The following ERBB4 variants were observed in gnomAD, a reference collection of about 807,000 sequenced individuals.
ERBB4 encodes erb-b2 receptor tyrosine kinase 4, also known as receptor tyrosine-protein kinase erbB-4.
ERBB4 carries 42 observed loss-of-function variants against 158.0 expected under a neutral mutation model. The observed-to-expected ratio is 0.27, with a 90% CI of 0.21 to 0.34. The LOEUF is 0.34. Ranked by LOEUF, ERBB4 falls within the 10% of genes least tolerant of loss-of-function variation. The probability of loss-of-function intolerance (pLI) is 1.00; values close to 1 mark genes in which losing one functional copy is unlikely to be tolerated. For missense variants in ERBB4, 1,333 were observed against 1,624.1 expected (o/e 0.82, Z 3.08); for synonymous variants, 583 against 558.7 (o/e 1.04, Z -0.61).
chr2:212,322,314 T>G (rs1225576004), intron 1 of ERBB4, among the ~76,000 whole-genome samples: 1 of 150,158 alleles, frequency 6.7e-6, no homozygotes, highest in African/African-American at 2.4e-5. Flanking sequence ...TAAGAGCTCT[T>G]AAACAATGCT....
At chr2:211,717,220 A>G (rs1024157133) in intron 7 of ERBB4, among the ~76,000 whole-genome samples, 1 of 152,194 alleles carries the variant, frequency 6.6e-6, no homozygotes, top group African/African-American at 2.4e-5. Flanking sequence ...AAGAAAAGGG[A>G]AAATATCATT....
chr2:212,424,325 G>A (rs2091859283), intron 1 of ERBB4, among the ~76,000 whole-genome samples: 1 of 152,004 alleles, frequency 6.6e-6, no homozygotes. Flanking sequence ...TACAATGGTA[G>A]GACTTTCCCT....
chr2:212,482,191 T>A (rs1214310076), intron 1 of ERBB4, among the ~76,000 whole-genome samples: 1 of 152,214 alleles, frequency 6.6e-6, no homozygotes, highest in East Asian at 1.9e-4. Context: ...AATGATCGAA[T>A]GCTGGCTGAG....
intron 20 of ERBB4, among the ~76,000 whole-genome samples, chr2:211,472,110 T>C (rs551824398): frequency 6.6e-6 from 1 of 152,166 alleles, no homozygotes; most frequent in South Asian, 2.1e-4. Flanking sequence ...GGTTATCCAA[T>C]TGGAAAAATT....
intron 25 of ERBB4, among the ~76,000 whole-genome samples, chr2:211,398,781 A>C: frequency 6.6e-6 from 1 of 152,310 alleles, no homozygotes; most frequent in East Asian, 1.9e-4. Context: ...CAGTAAGCCG[A>C]GATTGCGCCA....
At position 211,383,707 on chromosome 2, in the gene ERBB4, C is replaced by T. The variant is rs2125308726; in HGVS notation, c.3835G>A (p.Ala1279Thr). 6.2e-7 allele frequency: 1 copy of T among 1,613,994 alleles called. No individual in the cohort carries two copies. Among genetic ancestry groups the T allele is most frequent in the Non-Finnish European group, 8.5e-7 (1 of 1,179,960 alleles). Residue 1279 changes from alanine to threonine, a missense_variant, in exon 28 of 28, where the codon GCA becomes ACA. This residue lies in a region of ERBB4 where 84 missense variants were observed against 110.8 expected (regional missense o/e 0.76). Coordinates refer to ENST00000342788, the MANE Select transcript of ERBB4 (RefSeq NM_005235.3). ...TCAGAGAGGTATTCAGGATTCTCTG[C>T]CACAATAGGCCGGATCCGCCCATTC... Reference protein sequence around the residue: ...KQNGRIRPIVAENPEYLSEFS... With the variant: ...KQNGRIRPIVTENPEYLSEFS...
intron 1 of ERBB4, among the ~76,000 whole-genome samples, chr2:212,169,229 T>C (rs890024856): frequency 3.9e-5 from 6 of 152,146 alleles, no homozygotes; most frequent in Non-Finnish European, 5.9e-5. Context: ...AATATTTATT[T>C]TAATAAAGAT....
chr2:212,026,303 G>C lies in ERBB4; in HGVS notation c.235-78687C>G, dbSNP rs543741297. Among the ~76,000 whole-genome samples the C allele has an allele frequency of 2.0e-5, 3 of 151,594 alleles. No homozygotes were observed. The East Asian group carries it at 5.8e-4, about 29-fold the overall frequency. On this transcript the variant is annotated intron_variant, in intron 2 of 27. Coordinates refer to ENST00000342788, the MANE Select transcript of ERBB4 (RefSeq NM_005235.3). Reference sequence around the variant, plus strand: ...TATAGGTTTTTCAGTCACCTATAAGGTTCCTAATAGTGAAGTTTAAATTGA... The same window carrying C: ...TATAGGTTTTTCAGTCACCTATAAGCTTCCTAATAGTGAAGTTTAAATTGA...
intron 2 of ERBB4, among the ~76,000 whole-genome samples, chr2:212,045,560 A>G (rs2077240835): frequency 6.6e-6 from 1 of 152,192 alleles, no homozygotes; most frequent in African/African-American, 2.4e-5. Flanking sequence ...ATTCCCCCAT[A>G]AAAGCATCGT....
intron 20 of ERBB4, among the ~76,000 whole-genome samples, chr2:211,476,176 G>C (rs919746399): frequency 1.3e-5 from 2 of 152,002 alleles, no homozygotes; most frequent in African/African-American, 2.4e-5. Flanking sequence ...TTAAGACAGA[G>C]GGGAAAACAT....
At chr2:212,298,937 A>C (rs10932430) in intron 1 of ERBB4, among the ~76,000 whole-genome samples, 112,347 of 151,570 alleles carry the variant, frequency 0.74, 45,838 homozygotes, top group Non-Finnish European at 0.9. Flanking sequence ...CTAATGTATT[A>C]TATAGCAAGT....
At chr2:211,610,794 T>G (rs753314120) in intron 19 of ERBB4, among the ~76,000 whole-genome samples, 2 of 152,174 alleles carry the variant, frequency 1.3e-5, no homozygotes, top group South Asian at 4.1e-4. Context: ...CAAATATTGG[T>G]GCAGTAGACT....
intron 25 of ERBB4, among the ~76,000 whole-genome samples, chr2:211,400,486 G>T (rs2063013118): frequency 6.6e-6 from 1 of 152,046 alleles, no homozygotes; most frequent in Admixed American, 6.6e-5. Flanking sequence ...TGCAAACTTT[G>T]TATCACAAAT....
At chr2:211,836,415 A>C (rs1181560326) in intron 3 of ERBB4, among the ~76,000 whole-genome samples, 1 of 152,114 alleles carries the variant, frequency 6.6e-6, no homozygotes, top group African/African-American at 2.4e-5. Context: ...TTCTTCCCCC[A>C]GAAATAAACA....
At chr2:212,253,679 G>A (rs570625915) in intron 1 of ERBB4, among the ~76,000 whole-genome samples, 3 of 152,166 alleles carry the variant, frequency 2.0e-5, no homozygotes, top group Non-Finnish European at 4.4e-5. Flanking sequence ...TTGTGCAGAG[G>A]TTGAGATAAA....
intron 2 of ERBB4, among the ~76,000 whole-genome samples, chr2:212,105,653 C>A (rs2079204150): frequency 6.6e-6 from 1 of 152,108 alleles, no homozygotes; most frequent in African/African-American, 2.4e-5. Context: ...GTGAATATGA[C>A]AATTATGAAA....
At chr2:211,982,826 A>T (rs114835480) in intron 2 of ERBB4, among the ~76,000 whole-genome samples, 3,332 of 152,340 alleles carry the variant, frequency 0.022, 56 homozygotes, top group Middle Eastern at 0.048. Flanking sequence ...TTAGTCATAT[A>T]AAAAGATGAT....
chr2:211,899,352 A>G (rs2079176037), intron 3 of ERBB4, among the ~76,000 whole-genome samples: 1 of 152,126 alleles, frequency 6.6e-6, no homozygotes, highest in Non-Finnish European at 1.5e-5. Flanking sequence ...CTGCCATATG[A>G]AAGTCACATT....
At chr2:211,526,556 C>T (rs1462804396) in intron 20 of ERBB4, among the ~76,000 whole-genome samples, 2 of 152,076 alleles carry the variant, frequency 1.3e-5, no homozygotes, top group African/African-American at 4.8e-5. Context: ...ATACTTAACT[C>T]TTCAATGCCC....
Sources: gnomAD v4.1 joint callset for allele counts (sites outside exome capture counted in the v4.1 genomes callset) on GRCh38, gnomAD v4.1.1 for gene constraint, gnomAD v4.1.1 regional missense constraint, MANE v1.5 for transcripts, NCBI Gene and HGNC (gene_info 2026-07-23, HGNC 2026-07-21) for gene names.